Variants in COL21A1 observed in about 807,000 individuals in gnomAD.
COL21A1 encodes the protein collagen alpha-1(XXI) chain.
Under a neutral mutation model 137.9 loss-of-function variants are expected in COL21A1, and 149 were observed. That is an observed-to-expected ratio of 1.08 (90% CI 0.95 to 1.24). COL21A1 has a LOEUF of 1.24. Ranked by LOEUF, COL21A1 falls within the 50% of genes most tolerant of loss-of-function variation. The pLI is 0.00. For missense variants in COL21A1, 1,167 were observed against 1,158.4 expected, an observed-to-expected ratio of 1.01 and a Z score of -0.11; for synonymous variants, 456 against 391.5, an observed-to-expected ratio of 1.16 and a Z score of -1.95.
chr6:56,125,501 C>G, intron 14 of COL21A1, 66 bp downstream of exon 14: 1 of 1,137,086 alleles, frequency 8.8e-7, no homozygotes, highest in South Asian at 1.4e-5. Context: ...AACTGCAATT[C>G]TAGTTTTCTG....
chr6:56,260,630 A>C (rs1227094039), intron 1 of COL21A1, among the ~76,000 whole-genome samples: 2 of 33,418 alleles, frequency 6.0e-5, no homozygotes, highest in Non-Finnish European at 1.2e-4. Context: ...AGAGAGAGGA[A>C]GGAAGGAAGG....
chr6:56,242,635 T>G lies in COL21A1; in HGVS notation c.-39+4752A>C, dbSNP rs1470397258. 2.6e-5 allele frequency among the ~76,000 whole-genome samples: 4 copies of G among 152,180 alleles called. No individual in the cohort carries two copies. In the East Asian group the frequency reaches 7.7e-4, roughly 29 times the overall value. On this transcript the variant is annotated intron_variant, in intron 1 of 29. Transcript: ENST00000244728. ...AAAATTGTCAATGTTTCCTGAAATT[T>G]TCAAAGATTTATCTGAGTATTTCAT...
chr6:56,173,687 T>A (rs566556433), intron 3 of COL21A1, among the ~76,000 whole-genome samples: 20 of 152,010 alleles, frequency 1.3e-4, no homozygotes, highest in Admixed American at 1.3e-3. Context: ...GCAGCCAACA[T>A]CATGATAACA....
At chr6:56,085,664 G>A (rs866087320) in intron 17 of COL21A1, among the ~76,000 whole-genome samples, 23 of 151,822 alleles carry the variant, frequency 1.5e-4, no homozygotes, top group African/African-American at 5.6e-4. Flanking sequence ...CTCTATATCA[G>A]TAGTTATTAA....
intron 1 of COL21A1, among the ~76,000 whole-genome samples, chr6:56,266,519 T>C (rs1478798772): frequency 2.0e-5 from 3 of 152,242 alleles, no homozygotes; most frequent in African/African-American, 7.2e-5. Context: ...GCTTAAAATA[T>C]TTACTACTTG....
chr6:56,331,119 C>T (rs190840959), intron 1 of COL21A1, among the ~76,000 whole-genome samples: 2 of 152,006 alleles, frequency 1.3e-5, no homozygotes, highest in Admixed American at 1.3e-4. Flanking sequence ...CTGCTCCTGT[C>T]CTTTGCCCAC....
intron 1 of COL21A1, among the ~76,000 whole-genome samples, chr6:56,197,592 G>A (rs939300311): frequency 6.6e-6 from 1 of 152,002 alleles, no homozygotes; most frequent in African/African-American, 2.4e-5. Flanking sequence ...TGGTCAACAG[G>A]TATATAAGAT....
intron 1 of COL21A1, among the ~76,000 whole-genome samples, chr6:56,343,409 T>C (rs1765514641): frequency 6.6e-6 from 1 of 152,208 alleles, no homozygotes; most frequent in Admixed American, 6.5e-5. Flanking sequence ...TAATAATTAT[T>C]GCCAAGCTTT....
chr6:56,229,697 C>T (rs1382993212), intron 1 of COL21A1, among the ~76,000 whole-genome samples: 2 of 151,916 alleles, frequency 1.3e-5, no homozygotes, highest in African/African-American at 4.8e-5. Flanking sequence ...GGGTAAAGAG[C>T]TCTGGAGGTT....
At chr6:56,141,339 C>G (rs892636079) in intron 12 of COL21A1, among the ~76,000 whole-genome samples, 6 of 152,054 alleles carry the variant, frequency 3.9e-5, no homozygotes, top group Non-Finnish European at 8.8e-5. Flanking sequence ...AAGTCAGGGA[C>G]AAAAAGACAA....
chr6:56,141,076 T>C (rs964385055), intron 12 of COL21A1, among the ~76,000 whole-genome samples: 1 of 152,188 alleles, frequency 6.6e-6, no homozygotes, highest in Non-Finnish European at 1.5e-5. Context: ...TCCCCCTTTT[T>C]ATGTTTAGTG....
intron 23 of COL21A1, among the ~76,000 whole-genome samples, chr6:56,065,491 G>C (rs1201575598): frequency 6.6e-6 from 1 of 151,996 alleles, no homozygotes; most frequent in Non-Finnish European, 1.5e-5. Context: ...AAATACTGCT[G>C]ATAAGTCTAC....
At chr6:56,067,209 CAG>C in intron 23 of COL21A1, 84 bp downstream of exon 23, 1 of 1,119,960 alleles carries the variant, frequency 8.9e-7, no homozygotes, top group Non-Finnish European at 1.3e-6. Context: ...AATGTTGAAA[CAG>C]AAAGGAATTT....
chr6:56,265,928 G>A (rs1290203153), intron 1 of COL21A1, among the ~76,000 whole-genome samples: 1 of 152,074 alleles, frequency 6.6e-6, no homozygotes, highest in African/African-American at 2.4e-5. Context: ...AAAAAATTAA[G>A]TAAATACACA....
At chr6:56,073,463 T>C (rs9370480) in intron 20 of COL21A1, among the ~76,000 whole-genome samples, 144,383 of 151,446 alleles carry the variant, frequency 0.95, 68,852 homozygotes, top group East Asian at 1. Context: ...TCTACTCATA[T>C]GCCAGGGTCT....
rs1582581960 is a variant in COL21A1, at chr6:56,182,715, T to C, written c.-38-59A>G. 7.0e-6 allele frequency: 5 copies of C among 714,384 alleles called. No homozygotes were observed. The East Asian group carries it at 1.1e-4, about 16-fold the overall frequency. The allele number at this position is 714,384 out of a possible 1,614,324, so 44.3% of individuals were successfully genotyped here. On this transcript the variant is annotated intron_variant, in intron 1 of 29. Coordinates refer to ENST00000244728, the MANE Select transcript of COL21A1 (RefSeq NM_030820.4). ...AATTAAAGTCAACATCTAGCCATTA[T>C]ACATTTACATTTTGAAACAAGAGCC...
intron 1 of COL21A1, among the ~76,000 whole-genome samples, chr6:56,239,485 A>G (rs1289602383): frequency 6.6e-6 from 1 of 152,210 alleles, no homozygotes; most frequent in East Asian, 1.9e-4. Flanking sequence ...TTTGGGAAAC[A>G]TGTAATTTAG....
intron 6 of COL21A1, among the ~76,000 whole-genome samples, chr6:56,167,828 T>C (rs544680688): frequency 6.6e-6 from 1 of 152,320 alleles, no homozygotes; most frequent in Admixed American, 6.5e-5. Flanking sequence ...AATTTATTAC[T>C]TAAACTATGT....
In COL21A1 at chr6:56,059,183, C is replaced by T. The variant is rs1240981411; in HGVS notation, c.2668G>A (p.Gly890Ser). The T allele has an allele frequency of 3.1e-6, 5 of 1,612,132 alleles. No homozygotes were observed. Among genetic ancestry groups the T allele is most frequent in the Non-Finnish European group, 4.2e-6 (5 of 1,179,208 alleles). Residue 890 changes from glycine (G) to serine (S), a missense_variant, in exon 29 of 30, where the codon GGT becomes AGT. By Grantham distance (56) the Gly-to-Ser change is moderately conservative. Coordinates refer to ENST00000244728, the MANE Select transcript of COL21A1 (RefSeq NM_030820.4). ...SQGFGYPGEQ[G>S]PPGPPGPEGP... ...TTCTCACCTGGGGGACCAGGAGGACCTTGTTCTCCAGGATACCCAAACCCT... is the reference window on the plus strand; with the variant it reads ...TTCTCACCTGGGGGACCAGGAGGACTTTGTTCTCCAGGATACCCAAACCCT...
Sources: allele counts gnomAD v4.1 joint callset (sites outside exome capture counted in the v4.1 genomes callset), GRCh38; gene constraint gnomAD v4.1.1; transcripts MANE v1.5; gene names NCBI Gene and HGNC (gene_info 2026-07-23, HGNC 2026-07-21).